The following CGGBP1 variants were observed in gnomAD, a reference collection of about 807,000 sequenced individuals.
CGGBP1 encodes CGG triplet repeat-binding protein 1.
CGGBP1 carries 4 observed loss-of-function variants against 11.4 expected under a neutral mutation model. The observed-to-expected ratio is 0.35, with a 90% CI of 0.17 to 0.80. The LOEUF (loss-of-function observed/expected upper bound fraction) is 0.80, where lower values mean the gene tolerates loss of function less well. Among genes scored for constraint, CGGBP1 ranks in the 30% least tolerant of loss-of-function variants. The pLI is 0.52. For missense variants in CGGBP1, 135 were observed against 202.1 expected, an observed-to-expected ratio of 0.67 and a Z score of 2.01; for synonymous variants, 76 against 74.1, an observed-to-expected ratio of 1.03 and a Z score of -0.13.
At chr3:88,138,804 A>G in intron 2 of CGGBP1, 2 of 1,232,086 alleles carry the variant, frequency 1.6e-6, no homozygotes, top group Non-Finnish European at 2.0e-6. Flanking sequence ...AATTTATAAA[A>G]CAATTGCACA....
chr3:88,068,365 G>C (rs1707320246), intron 2 of CGGBP1, among the ~76,000 whole-genome samples: 2 of 152,128 alleles, frequency 1.3e-5, no homozygotes. Context: ...GCACAGAGAA[G>C]TGAAGGGAGA....
chr3:88,120,975 C>T (rs1230434243), intron 2 of CGGBP1, among the ~76,000 whole-genome samples: 1 of 151,948 alleles, frequency 6.6e-6, no homozygotes, highest in East Asian at 1.9e-4. Context: ...AGGACAAGTA[C>T]CTAATGCATG....
intron 2 of CGGBP1, among the ~76,000 whole-genome samples, chr3:88,114,742 C>T (rs562688092): frequency 7.2e-5 from 11 of 152,218 alleles, no homozygotes; most frequent in Middle Eastern, 3.4e-3. Context: ...CATTTGCTGA[C>T]CTGAGCTTAT....
chr3:88,135,327 C>A, intron 2 of CGGBP1: 1 of 706,998 alleles, frequency 1.4e-6, no homozygotes, highest in Non-Finnish European at 2.1e-6. Context: ...AGGCCACATT[C>A]TCCATACATT....
chr3:88,140,816 A>G, intron 2 of CGGBP1: 2 of 1,613,740 alleles, frequency 1.2e-6, no homozygotes, highest in Non-Finnish European at 1.7e-6. Context: ...CATACGTCAG[A>G]CCATTGCCTC....
chr3:88,104,522 A>G (rs1704618545), intron 2 of CGGBP1, among the ~76,000 whole-genome samples: 1 of 152,266 alleles, frequency 6.6e-6, no homozygotes, highest in Non-Finnish European at 1.5e-5. Flanking sequence ...TGCCAGGAAT[A>G]AAGCAAAAAT....
intron 2 of CGGBP1, among the ~76,000 whole-genome samples, chr3:88,075,570 T>G (rs1479577366): frequency 6.6e-6 from 1 of 152,222 alleles, no homozygotes; most frequent in Non-Finnish European, 1.5e-5. Context: ...TTTAGACCTT[T>G]TCTTTGCTCT....
intron 2 of CGGBP1, among the ~76,000 whole-genome samples, chr3:88,089,363 C>T (rs771230982): frequency 4.0e-5 from 6 of 151,710 alleles, no homozygotes; most frequent in African/African-American, 1.2e-4. Flanking sequence ...TGGTGGCAAG[C>T]GCCTGTAATC....
chr3:88,080,236 TA>T (rs1204426512), intron 2 of CGGBP1, among the ~76,000 whole-genome samples: 1 of 152,126 alleles, frequency 6.6e-6, no homozygotes, highest in Non-Finnish European at 1.5e-5. Flanking sequence ...GTTTGCTTGC[TA>T]AAAGTGAGTA....
intron 2 of CGGBP1, among the ~76,000 whole-genome samples, chr3:88,105,203 T>G (rs1704662085): frequency 6.6e-6 from 1 of 152,178 alleles, no homozygotes; most frequent in South Asian, 2.1e-4. Flanking sequence ...GGAATTCGGT[T>G]GATAGAAAAG....
intron 2 of CGGBP1, among the ~76,000 whole-genome samples, chr3:88,067,905 A>G (rs548094359): frequency 6.0e-5 from 9 of 151,210 alleles, no homozygotes; most frequent in Admixed American, 4.6e-4. Context: ...TTTTTAGTAA[A>G]TTGGTGTGAA....
intron 2 of CGGBP1, among the ~76,000 whole-genome samples, chr3:88,074,180 A>C (rs1174697328): frequency 6.6e-6 from 1 of 152,118 alleles, no homozygotes; most frequent in Non-Finnish European, 1.5e-5. Flanking sequence ...CCCCTTCTAG[A>C]GTATTACTTA....
At position 88,125,087 on chromosome 3, in the gene CGGBP1, C is replaced by T. The variant is rs144478844; in HGVS notation, c.-229+15883G>A. ...AAAATTAGCTGGGCATGGTGACACG[C>T]GCCTGTAGTCCCAGCTACTTGGGAG... is the stretch of plus-strand genomic sequence containing the variant. On this transcript the variant is annotated intron_variant, in intron 2 of 3. Coordinates refer to the CGGBP1 transcript ENST00000462901. 8.6e-3 allele frequency among the ~76,000 whole-genome samples: 1,301 copies of T among 151,756 alleles called. 17 individuals are homozygous for T. The highest frequency in any genetic ancestry group is 0.03 in the African/African-American group (1,241 of 41,380).
chr3:88,114,181 T>C lies in CGGBP1; in HGVS notation c.-229+26789A>G, dbSNP rs149985530. Among the ~76,000 whole-genome samples the C allele has an allele frequency of 5.4e-3, 816 of 152,190 alleles. 6 individuals are homozygous for C. Among genetic ancestry groups the C allele is most frequent in the African/African-American group, 0.018 (753 of 41,540 alleles). On this transcript the variant is annotated intron_variant, in intron 2 of 3. Transcript: ENST00000462901. ...TAGGGACAGAAAGACAATCAAACCT[T>C]TATAAATGAAAAATTGACAGATTCC...
chr3:88,100,416 A>G (rs1449259157), intron 2 of CGGBP1, among the ~76,000 whole-genome samples: 1 of 152,274 alleles, frequency 6.6e-6, no homozygotes. Flanking sequence ...TCAGTGTGGC[A>G]ATTCCTCAGG....
chr3:88,128,394 A>T (rs1224024036), intron 2 of CGGBP1, among the ~76,000 whole-genome samples: 1 of 152,094 alleles, frequency 6.6e-6, no homozygotes. Context: ...CATGGTTTTA[A>T]TGTGACAGAT....
chr3:88,060,724 A>G (rs889418089), upstream of CGGBP1, among the ~76,000 whole-genome samples: 3 of 152,200 alleles, frequency 2.0e-5, no homozygotes, highest in Non-Finnish European at 4.4e-5. Flanking sequence ...AAAGTTAATG[A>G]GAAATGGACA....
chr3:88,139,839 A>T, intron 2 of CGGBP1: 1 of 1,580,402 alleles, frequency 6.3e-7, no homozygotes, highest in Non-Finnish European at 8.6e-7. Flanking sequence ...AACTTCAGTA[A>T]TTCATAAAAT....
chr3:88,098,387 A>T (rs1312519173), intron 2 of CGGBP1, among the ~76,000 whole-genome samples: 4 of 152,208 alleles, frequency 2.6e-5, no homozygotes, highest in Non-Finnish European at 5.9e-5. Flanking sequence ...TTCACAGCCA[A>T]ATTCTACCAG....
Sources: gnomAD v4.1 joint callset for allele counts (sites outside exome capture counted in the v4.1 genomes callset) on GRCh38, gnomAD v4.1.1 for gene constraint, MANE v1.5 for transcripts, NCBI Gene and HGNC (gene_info 2026-07-23, HGNC 2026-07-21) for gene names.